The following SLX4IP variants were observed in gnomAD, a reference collection of about 807,000 sequenced individuals.
SLX4IP encodes the protein protein SLX4IP.
SLX4IP carries 34 observed loss-of-function variants against 32.9 expected under a neutral mutation model. The observed-to-expected ratio is 1.03, with a 90% confidence interval of 0.79 to 1.38. SLX4IP has a LOEUF of 1.38. SLX4IP is among the 40% of genes most tolerant of loss of function. The pLI is 0.00. For missense variants in SLX4IP, 444 were observed against 479.0 expected (o/e 0.93, Z 0.68); for synonymous variants, 172 against 171.7 (o/e 1.00, Z -0.01).
At chr20:10,581,924 C>G (rs2066591438) in intron 4 of SLX4IP, among the ~76,000 whole-genome samples, 2 of 152,082 alleles carry the variant, frequency 1.3e-5, no homozygotes, top group Admixed American at 1.3e-4. Context: ...AACATCTTCA[C>G]CCGAAGTGGG....
chr20:10,590,321 TC>T (rs2066692987), intron 4 of SLX4IP, among the ~76,000 whole-genome samples: 1 of 152,018 alleles, frequency 6.6e-6, no homozygotes, highest in African/African-American at 2.4e-5. Flanking sequence ...CCCTTGAGTA[TC>T]ATTTTATTTT....
chr20:10,609,136 T>C (rs940530867), intron 6 of SLX4IP, among the ~76,000 whole-genome samples: 3 of 152,138 alleles, frequency 2.0e-5, no homozygotes, highest in Non-Finnish European at 4.4e-5. Flanking sequence ...CGATTTCCAG[T>C]AGCTGCCAGC....
At chr20:10,528,020 C>T (rs906803319) in intron 2 of SLX4IP, among the ~76,000 whole-genome samples, 1 of 152,032 alleles carries the variant, frequency 6.6e-6, no homozygotes, top group Admixed American at 6.6e-5. Context: ...CTCTGTCTTG[C>T]GTGTTTCAAT....
At chr20:10,553,379 A>G (rs1268615623) in intron 2 of SLX4IP, among the ~76,000 whole-genome samples, 1 of 152,170 alleles carries the variant, frequency 6.6e-6, no homozygotes, top group African/African-American at 2.4e-5. Context: ...AGATAACTGT[A>G]CTTCAGTGTA....
At chr20:10,537,416 A>T (rs2066057571) in intron 2 of SLX4IP, among the ~76,000 whole-genome samples, 1 of 152,238 alleles carries the variant, frequency 6.6e-6, no homozygotes, top group African/African-American at 2.4e-5. Context: ...ACCCGTAATG[A>T]ATACTTACAA....
intron 2 of SLX4IP, among the ~76,000 whole-genome samples, chr20:10,545,232 C>G (rs2066150798): frequency 6.6e-6 from 1 of 152,098 alleles, no homozygotes; most frequent in Non-Finnish European, 1.5e-5. Flanking sequence ...TAAGTGTGGC[C>G]AAGGGTACAA....
intron 2 of SLX4IP, among the ~76,000 whole-genome samples, chr20:10,529,838 G>A (rs2065972779): frequency 6.6e-6 from 1 of 152,028 alleles, no homozygotes; most frequent in South Asian, 2.1e-4. Flanking sequence ...TCATGAGTTT[G>A]GGAAGCATTT....
chr20:10,523,117 C>A (rs966428696), intron 2 of SLX4IP, among the ~76,000 whole-genome samples: 2 of 152,100 alleles, frequency 1.3e-5, no homozygotes, highest in African/African-American at 4.8e-5. Flanking sequence ...CTGTAGCAGA[C>A]CTCTTGGCAT....
At chr20:10,451,028 A>G (rs1004167055) in intron 1 of SLX4IP, among the ~76,000 whole-genome samples, 5 of 152,092 alleles carry the variant, frequency 3.3e-5, no homozygotes, top group African/African-American at 9.7e-5. Flanking sequence ...CTGGGATTAC[A>G]GGCGTGAGCC....
intron 2 of SLX4IP, among the ~76,000 whole-genome samples, chr20:10,467,821 T>C (rs1411313744): frequency 6.6e-6 from 1 of 152,250 alleles, no homozygotes; most frequent in Non-Finnish European, 1.5e-5. Context: ...TGAGTGTTGA[T>C]GACTTTGAAA....
intron 2 of SLX4IP, among the ~76,000 whole-genome samples, chr20:10,545,789 C>T (rs894642038): frequency 6.6e-6 from 1 of 152,146 alleles, no homozygotes; most frequent in African/African-American, 2.4e-5. Context: ...CCTGTCTTTC[C>T]TCTTCCTTCC....
chr20:10,492,830 C>CTA (rs1568707975), intron 2 of SLX4IP, among the ~76,000 whole-genome samples: 1 of 152,164 alleles, frequency 6.6e-6, no homozygotes, highest in Non-Finnish European at 1.5e-5. Flanking sequence ...TATCTCAGAA[C>CTA]AGCTTATCCT....
At chr20:10,523,710 G>T (rs2065918412) in intron 2 of SLX4IP, among the ~76,000 whole-genome samples, 2 of 152,248 alleles carry the variant, frequency 1.3e-5, no homozygotes, top group African/African-American at 4.8e-5. Context: ...TATTGCAGGA[G>T]ATGATACGTC....
At chr20:10,474,020 A>C (rs1158582492) in intron 2 of SLX4IP, among the ~76,000 whole-genome samples, 1 of 152,008 alleles carries the variant, frequency 6.6e-6, no homozygotes, top group African/African-American at 2.4e-5. Flanking sequence ...ATGGGATTTC[A>C]CCATGTTGGC....
intron 1 of SLX4IP, among the ~76,000 whole-genome samples, chr20:10,444,281 G>T (rs1013376666): frequency 1.3e-5 from 2 of 152,190 alleles, no homozygotes; most frequent in African/African-American, 4.8e-5. Flanking sequence ...CTTAGACTGA[G>T]TAATTTATAA....
chr20:10,524,202 C>T (rs1034495351), intron 2 of SLX4IP, among the ~76,000 whole-genome samples: 1 of 152,176 alleles, frequency 6.6e-6, no homozygotes, highest in African/African-American at 2.4e-5. Context: ...TGGCTGTGTC[C>T]GTTTGGGATT....
rs2055883870 is a variant in SLX4IP at position 10,495,195 on chromosome 20, A to G, written c.27+36964A>G. 2.6e-5 allele frequency among the ~76,000 whole-genome samples: 4 copies of G among 152,308 alleles called. No homozygotes were observed. The South Asian group carries it at 8.3e-4, about 32-fold the overall frequency. ...CTGCATGTTACAGGTTTTGAGATATAGTACTCTCAACATTATTAATTTCTA... is the reference window on the plus strand; with the variant it reads ...CTGCATGTTACAGGTTTTGAGATATGGTACTCTCAACATTATTAATTTCTA... On this transcript the variant is annotated intron_variant, in intron 2 of 7. Transcript: ENST00000334534.
chr20:10,560,814 T>C lies in SLX4IP; in HGVS notation c.232T>C (p.Leu78=), dbSNP rs41280284. ...ATTCACAAGATCCAATCCCTTGTCC[T>C]TAAAAGGTAGGCACAGAGCACTTTG... ...AEFTRSNPLS[L]KGYGFQITAY... The change falls in exon 4 of 8, where the codon TTA becomes CTA. Residue 78 remains leucine (L), a synonymous_variant. Transcript: ENST00000334534. 2,120 of 1,596,422 alleles carry C rather than the reference T, an allele frequency of 1.3e-3. 1 individual carries two copies. The highest frequency in any genetic ancestry group is 1.7e-3 in the Non-Finnish European group (1,968 of 1,172,998).
At chr20:10,552,204 A>T (rs1404663744) in intron 2 of SLX4IP, among the ~76,000 whole-genome samples, 1 of 152,078 alleles carries the variant, frequency 6.6e-6, no homozygotes, top group African/African-American at 2.4e-5. Context: ...TAGCAGCCTG[A>T]TGGTTGCTCA....
Sources: allele counts gnomAD v4.1 joint callset (sites outside exome capture counted in the v4.1 genomes callset), GRCh38; gene constraint gnomAD v4.1.1; transcripts MANE v1.5; gene names NCBI Gene and HGNC (gene_info 2026-07-23, HGNC 2026-07-21).